The following USH1C variants were observed in gnomAD, a reference collection of about 807,000 sequenced individuals.
USH1C encodes the protein harmonin.
A neutral mutation model predicts 119.3 loss-of-function variants in USH1C; 90 were observed. That is an observed-to-expected ratio of 0.75 (90% CI 0.64 to 0.90). The LOEUF is 0.90. Ranked by LOEUF, USH1C falls within the 40% of genes least tolerant of loss-of-function variation. The pLI is 0.00. For synonymous variants in USH1C, 465 were observed against 443.3 expected (o/e 1.05, Z -0.62); for missense variants, 1,165 against 1,167.7 (o/e 1.00, Z 0.03).
At chr11:17,533,350 C>G in intron 1 of USH1C, 28 bp from the exon 2 acceptor site, 1 of 1,574,438 alleles carries the variant, frequency 6.4e-7, no homozygotes, top group Non-Finnish European at 8.7e-7. Context: ...AGAATCACAG[C>G]TCCAGGCTCA....
intron 11 of USH1C, 100 bp downstream of exon 11, chr11:17,523,111 G>T: frequency 1.9e-6 from 3 of 1,593,416 alleles, no homozygotes; most frequent in Non-Finnish European, 2.6e-6. Context: ...GAGCTTCAGG[G>T]AAGGAGACCA....
rs569714771 is a variant in USH1C at position 17,504,682 on chromosome 11, T to C, written c.2149A>G (p.Lys717Glu). 1.2e-6 allele frequency: 2 copies of C among 1,613,958 alleles called. No individual in the cohort carries two copies. The highest frequency in any genetic ancestry group is 2.7e-5 in the African/African-American group (2 of 74,958). Residue 717 changes from lysine to glutamate, a missense_variant, in exon 20 of 27, where the codon AAG becomes GAG. Physicochemically the swap from Lys to Glu is moderately conservative, Grantham distance 56. Transcript: ENST00000005226. The stretch of plus-strand genomic sequence containing the variant: ...GCTGTCTGATAAACCACCATCCTCT[T>C]CAACATCTCCTGTGGCTGCCAGAGG... ...KSEVLPQEMLKRMVVYQTAFR... is the reference protein window; with the variant it reads ...KSEVLPQEMLERMVVYQTAFR...
At chr11:17,538,496 A>G (rs1332532575) in intron 1 of USH1C, among the ~76,000 whole-genome samples, 1 of 152,232 alleles carries the variant, frequency 6.6e-6, no homozygotes, top group East Asian at 1.9e-4. Context: ...AGGGAGAAAG[A>G]GAGCCAGAAC....
chr11:17,538,216 G>C (rs1055373204), intron 1 of USH1C, among the ~76,000 whole-genome samples: 21 of 152,286 alleles, frequency 1.4e-4, no homozygotes, highest in African/African-American at 4.6e-4. Context: ...GCCCTGCCTA[G>C]ATTAGCATTT....
chr11:17,511,931 G>A lies in USH1C; in HGVS notation c.1384C>T (p.Gln462Ter), dbSNP rs1849909937. 1 of 1,614,024 alleles carries A rather than the reference G, an allele frequency of 6.2e-7. No homozygotes were observed. The highest frequency in any genetic ancestry group is 1.1e-5 in the South Asian group (1 of 91,046). Residue 462 changes from glutamine (Q) to a stop codon, truncating the protein, a stop_gained, in exon 16 of 27, where the codon CAG becomes TAG. Transcript: ENST00000005226. LOFTEE classifies it high-confidence loss of function. ...EKEEMLEKEK[Q>*]LKINRLAQEV... ...TGGGCCAGCCGGTTGATCTTTAGCT[G>A]CTTTTCCTTCTCCAGCATTTCCTCT...
chr11:17,499,007 G>A (rs943433084), intron 23 of USH1C, among the ~76,000 whole-genome samples: 50 of 152,242 alleles, frequency 3.3e-4, no homozygotes, highest in Non-Finnish European at 5.9e-4. Flanking sequence ...TCCTGAAAGA[G>A]TTGCCTGGGA....
intron 23 of USH1C, among the ~76,000 whole-genome samples, chr11:17,498,733 G>A (rs1849330869): frequency 6.6e-6 from 1 of 152,160 alleles, no homozygotes. Context: ...GTCAGAAGGG[G>A]CTTCTCTGAC....
chr11:17,533,392 A>ACCTCTCCTCCCT, intron 1 of USH1C, 70 bp from the exon 2 acceptor site: 1 of 1,072,038 alleles, frequency 9.3e-7, no homozygotes, highest in Non-Finnish European at 1.4e-6. Flanking sequence ...CTCAGGGAGG[A>ACCTCTCCTCCCT]GAGGTCATCC....
chr11:17,536,472 G>A (rs1481482929), intron 1 of USH1C, among the ~76,000 whole-genome samples: 1 of 152,114 alleles, frequency 6.6e-6, no homozygotes, highest in African/African-American at 2.4e-5. Flanking sequence ...CCTTCCCTGG[G>A]CCAAGCACAG....
intron 20 of USH1C, among the ~76,000 whole-genome samples, chr11:17,504,382 C>A (rs1849558049): frequency 6.6e-6 from 1 of 152,236 alleles, no homozygotes; most frequent in South Asian, 2.1e-4. Flanking sequence ...TCTGGACAAA[C>A]AGCAGCAGAA....
chr11:17,529,313 C>T (rs901859493), intron 4 of USH1C, among the ~76,000 whole-genome samples: 7 of 152,152 alleles, frequency 4.6e-5, no homozygotes, highest in African/African-American at 1.7e-4. Flanking sequence ...AAAACAAAAA[C>T]CAAGTATCTC....
At position 17,512,145 on chromosome 11, in the gene USH1C, C is replaced by G. The variant is rs959238079; in HGVS notation, c.1261-91G>C. 6 of 1,436,946 alleles carry G rather than the reference C, an allele frequency of 4.2e-6. No homozygotes were observed. The African/African-American group carries it at 7.0e-5, about 17-fold the overall frequency. 89.0% of individuals were successfully genotyped at this position (1,436,946 alleles called of 1,614,324 possible). On this transcript the variant is annotated intron_variant, in intron 15 of 26. Coordinates refer to ENST00000005226, the MANE Select transcript of USH1C (RefSeq NM_153676.4). Reference sequence around the variant, plus strand: ...GGCATCCAGTCCTCACATAACACAACCATCCCATGGTGAGCCCCTCCCCCA... The same window carrying G: ...GGCATCCAGTCCTCACATAACACAAGCATCCCATGGTGAGCCCCTCCCCCA...
intron 1 of USH1C, among the ~76,000 whole-genome samples, chr11:17,540,505 G>A (rs1473552955): frequency 6.6e-6 from 1 of 152,052 alleles, no homozygotes; most frequent in Non-Finnish European, 1.5e-5. Context: ...ACACCCCCAA[G>A]GACCTACCGA....
chr11:17,501,472 G>A lies in USH1C; in HGVS notation c.2280+10C>T, dbSNP rs1284812303. On this transcript the variant is annotated intron_variant, in intron 22 of 26. Transcript: ENST00000005226. ...GATGGCGGCCCACCGGCCTCCACAT[G>A]CCCAGGTACCTTCTTGATGCGTAGG... 4.3e-6 allele frequency: 7 copies of A among 1,612,346 alleles called. No homozygotes were observed. The highest frequency in any genetic ancestry group is 5.9e-6 in the Non-Finnish European group (7 of 1,179,348).
rs185115478 is a variant in USH1C at position 17,523,293 on chromosome 11, C to T, written c.820-26G>A. 278 of 1,614,118 alleles carry T rather than the reference C, an allele frequency of 1.7e-4. No homozygotes were observed. The African/African-American group carries it at 3.1e-3, about 18-fold the overall frequency. On this transcript the variant is annotated intron_variant, in intron 10 of 26. Transcript: ENST00000005226. ...CTGTGGGGACAGAAGGACAGTGGGC[C>T]GAGGCCTGACAGACCACAGCAGTCC... is the stretch of plus-strand genomic sequence containing the variant.
intron 18 of USH1C, 116 bp from the exon 19 acceptor site, chr11:17,506,065 G>A (rs1161423119): frequency 1.6e-5 from 23 of 1,464,364 alleles, no homozygotes; most frequent in Non-Finnish European, 2.2e-5. Flanking sequence ...AGCCAGCCTG[G>A]TCATTCAACT....
intron 13 of USH1C, 113 bp downstream of exon 13, chr11:17,521,233 C>T: frequency 8.3e-7 from 1 of 1,208,708 alleles, no homozygotes; most frequent in Non-Finnish European, 1.2e-6. Flanking sequence ...GGAGGACCCA[C>T]CAGGGGATGA....
chr11:17,507,550 G>A (rs1849699168), intron 18 of USH1C, among the ~76,000 whole-genome samples: 1 of 152,188 alleles, frequency 6.6e-6, no homozygotes, highest in South Asian at 2.1e-4. Context: ...CATAGTTAAT[G>A]TCTACTGAAC....
chr11:17,543,434 C>A (rs1206793646), intron 1 of USH1C, among the ~76,000 whole-genome samples: 1 of 152,082 alleles, frequency 6.6e-6, no homozygotes, highest in Non-Finnish European at 1.5e-5. Context: ...CAAGCGGCTT[C>A]ATCCCCAGAC....
Sources: allele counts gnomAD v4.1 joint callset (sites outside exome capture counted in the v4.1 genomes callset), GRCh38; gene constraint gnomAD v4.1.1; transcripts MANE v1.5; gene names NCBI Gene and HGNC (gene_info 2026-07-23, HGNC 2026-07-21).